UBN2: variants seen among roughly 807,000 people sequenced by gnomAD.
The protein encoded by UBN2 is ubinuclein-2.
Under a neutral mutation model 120.2 loss-of-function variants are expected in UBN2, and 35 were observed. That is an observed-to-expected ratio of 0.29 (90% CI 0.22 to 0.39). The LOEUF is 0.39. Among genes scored for constraint, UBN2 ranks in the 10% least tolerant of loss-of-function variants. The pLI is 1.00. For synonymous variants in UBN2, 661 were observed against 648.7 expected (o/e 1.02, Z -0.29); for missense variants, 1,693 against 1,663.2 (o/e 1.02, Z -0.31).
At chr7:139,274,265 A>G (rs61363295) in intron 11 of UBN2, among the ~76,000 whole-genome samples, 191 bp downstream of exon 11, 5,214 of 152,304 alleles carry the variant, frequency 0.034, 132 homozygotes, top group South Asian at 0.085. Context: ...AGTCGCGCAC[A>G]CAGAGATAGA....
At chr7:139,254,350 C>T (rs376542434) in intron 3 of UBN2, among the ~76,000 whole-genome samples, 14 of 152,150 alleles carry the variant, frequency 9.2e-5, no homozygotes, top group African/African-American at 3.1e-4. Context: ...CCATACTAGG[C>T]AGTCTGGTCT....
At chr7:139,286,291 T>A (rs1797784487) in intron 15 of UBN2, among the ~76,000 whole-genome samples, 1 of 152,122 alleles carries the variant, frequency 6.6e-6, no homozygotes, top group African/African-American at 2.4e-5. Context: ...CTCAAACTCC[T>A]AACCTCAAGT....
At position 139,301,017 on chromosome 7, in the gene UBN2, T is replaced by A. The variant is rs575539580; in HGVS notation, c.*3181T>A. On this transcript the variant is annotated 3_prime_UTR_variant, in exon 18 of 18. Coordinates refer to ENST00000473989, the MANE Select transcript of UBN2 (RefSeq NM_173569.4). ...AAGGTTTTGGGAAAGGAAATGAGGC[T>A]AATCTGTAGTCATAAAATTCTGATA... is the stretch of plus-strand genomic sequence containing the variant. 2.0e-5 allele frequency: 3 copies of A among 152,320 alleles called. No individual in the cohort carries two copies. In the South Asian group the frequency reaches 6.2e-4, roughly 32 times the overall value. The allele number at this position is 152,320 out of a possible 1,614,324, so 9.4% of individuals were successfully genotyped here.
chr7:139,313,371 AT>A, the UBN2 span, among the ~76,000 whole-genome samples: 1 of 152,058 alleles, frequency 6.6e-6, no homozygotes, highest in Admixed American at 6.6e-5. Context: ...CATGAATTGT[AT>A]CTTATTCTTT....
At chr7:139,274,770 A>C (rs1401568412) in intron 11 of UBN2, among the ~76,000 whole-genome samples, 2 of 151,804 alleles carry the variant, frequency 1.3e-5, no homozygotes, top group Non-Finnish European at 2.9e-5. Context: ...CTCAAAAAAA[A>C]AAAAAAGAAA....
Position 139,231,620 on chromosome 7 carries a change from C to G in UBN2, c.136C>G (p.Pro46Ala). The G allele has an allele frequency of 1.6e-6, 2 of 1,286,688 alleles. No individual in the cohort carries two copies. The highest frequency in any genetic ancestry group is 2.0e-6 in the Non-Finnish European group (2 of 1,015,678). 79.7% of individuals were successfully genotyped at this position (1,286,688 alleles called of 1,614,324 possible). A position where few individuals can be genotyped will look rare whatever the true frequency, so the allele number is the denominator to read the frequency against. The change falls in exon 1 of 18, where the codon CCG (proline) becomes GCG (alanine). Residue 46 changes from proline (P) to alanine (A), a missense_variant. By Grantham distance (27) the Pro-to-Ala change is conservative. This residue lies in a region of UBN2 where 663 missense variants were observed against 591.2 expected (regional missense o/e 1.12). Coordinates refer to ENST00000473989, the MANE Select transcript of UBN2 (RefSeq NM_173569.4). ...PRLEPQPYREPARAEPPAPRE... is the reference protein window; with the variant it reads ...PRLEPQPYREAARAEPPAPRE... ...GCTGGAGCCGCAGCCGTACCGCGAG[C>G]CGGCCCGGGCGGAGCCGCCGGCCCC...
At chr7:139,263,249 A>G (rs1428965194) in intron 6 of UBN2, among the ~76,000 whole-genome samples, 2 of 152,206 alleles carry the variant, frequency 1.3e-5, no homozygotes, top group African/African-American at 4.8e-5. Flanking sequence ...ATCAAATATG[A>G]AAGAAGGGTG....
chr7:139,266,870 G>A (rs541127536), intron 7 of UBN2, among the ~76,000 whole-genome samples: 1 of 152,302 alleles, frequency 6.6e-6, no homozygotes, highest in Admixed American at 6.5e-5. Context: ...TAAAGAAATT[G>A]TGGTTGTGAG....
At chr7:139,311,580 C>T (rs773248709), downstream of UBN2, among the ~76,000 whole-genome samples, 4 of 151,790 alleles carry the variant, frequency 2.6e-5, no homozygotes, top group Non-Finnish European at 4.4e-5. Flanking sequence ...ATGGAAAGCA[C>T]CTAGCACAGT....
intron 2 of UBN2, among the ~76,000 whole-genome samples, chr7:139,245,141 T>C (rs552277684): frequency 4.5e-5 from 6 of 134,298 alleles, no homozygotes; most frequent in East Asian, 2.3e-4. Flanking sequence ...GATTTCACCA[T>C]GTTTCCCAGG....
Position 139,268,746 on chromosome 7 carries a change from T to G in UBN2, c.1467-648T>G, listed in dbSNP as rs560390377. On this transcript the variant is annotated intron_variant, in intron 7 of 17. Transcript: ENST00000473989. ...CAGTGGGCCGAGGGGTAGTATAATA[T>G]CTCTTTGAGGAAAGGAGCTTTTGGT... Among the ~76,000 whole-genome samples, 3 of 152,282 alleles carry G rather than the reference T, an allele frequency of 2.0e-5. No homozygotes were observed. The South Asian group carries it at 6.2e-4, about 32-fold the overall frequency.
At chr7:139,247,725 A>T (rs1295904489) in intron 2 of UBN2, among the ~76,000 whole-genome samples, 1 of 151,992 alleles carries the variant, frequency 6.6e-6, no homozygotes, top group East Asian at 1.9e-4. Context: ...AAATCTGAGC[A>T]TTTTTTTTCT....
At chr7:139,251,588 G>GA (rs1393013121) in intron 2 of UBN2, among the ~76,000 whole-genome samples, 1 of 152,154 alleles carries the variant, frequency 6.6e-6, no homozygotes, top group African/African-American at 2.4e-5. Flanking sequence ...TTTGTCTGAT[G>GA]GTTTTCTCAG....
At chr7:139,274,670 G>A (rs1011639842) in intron 11 of UBN2, among the ~76,000 whole-genome samples, 10 of 151,836 alleles carry the variant, frequency 6.6e-5, no homozygotes, top group African/African-American at 2.4e-4. Flanking sequence ...GCTGAGACAG[G>A]AGAATCGCTT....
Position 139,231,929 on chromosome 7 carries a change from C to G in UBN2, c.445C>G (p.Leu149Val), listed in dbSNP as rs575335586. ...CTGCGTGGAGTTCAGTTACCCGGAG[C>G]TGCTGCTGTGCGGAGAACAACGGGT... Reference protein sequence around the residue: ...ESCVEFSYPELLLCGEQRKKL... With the variant: ...ESCVEFSYPEVLLCGEQRKKL... Residue 149 changes from leucine to valine, a missense_variant, in exon 1 of 18, where the codon CTG (leucine) becomes GTG (valine). Physicochemically the swap from Leu to Val is conservative, Grantham distance 32. Transcript: ENST00000473989. 16 of 1,585,132 alleles carry G rather than the reference C, an allele frequency of 1.0e-5. 1 individual carries two copies. In the South Asian group the frequency reaches 1.5e-4, roughly 15 times the overall value.
chr7:139,235,806 T>G (rs967479488), intron 1 of UBN2, among the ~76,000 whole-genome samples: 3 of 152,260 alleles, frequency 2.0e-5, no homozygotes, highest in Non-Finnish European at 2.9e-5. Flanking sequence ...TTTAAAGAAG[T>G]ATCCCTTTAT....
chr7:139,239,941 A>G (rs1170951999), intron 2 of UBN2, among the ~76,000 whole-genome samples: 4 of 152,230 alleles, frequency 2.6e-5, no homozygotes, highest in Non-Finnish European at 5.9e-5. Context: ...ATATAATCCT[A>G]TAAGTAAAGT....
chr7:139,320,957 A>G, the UBN2 span, among the ~76,000 whole-genome samples: 1 of 152,158 alleles, frequency 6.6e-6, no homozygotes, highest in Non-Finnish European at 1.5e-5. Flanking sequence ...TATTAGCTAT[A>G]CCTTCACACA....
intron 2 of UBN2, among the ~76,000 whole-genome samples, chr7:139,240,454 A>ATATATATATATATAT (rs371717591): frequency 8.1e-6 from 1 of 123,148 alleles, no homozygotes; most frequent in African/African-American, 3.2e-5. Flanking sequence ...ATATATATAT[A>ATATATATATATATAT]TTTTTTTTTT....
Sources: allele counts gnomAD v4.1 joint callset (sites outside exome capture counted in the v4.1 genomes callset), GRCh38; gene constraint gnomAD v4.1.1; regional missense constraint gnomAD v4.1.1; transcripts MANE v1.5; gene names NCBI Gene and HGNC (gene_info 2026-07-23, HGNC 2026-07-21).